RP1: variants seen among roughly 807,000 people sequenced by gnomAD.
RP1 encodes the protein RP1 axonemal microtubule associated.
Under a neutral mutation model 14.8 loss-of-function variants are expected in RP1, and 16 were observed. The observed-to-expected ratio is 1.08, with a 90% confidence interval of 0.73 to 1.65. The LOEUF is 1.65. Among genes scored for constraint, RP1 ranks in the 40% most tolerant of loss-of-function variants. The pLI, the probability that RP1 is intolerant of heterozygous loss-of-function variation, is 0.00. For missense variants in RP1, 2,631 were observed against 2,535.0 expected, an observed-to-expected ratio of 1.04 and a Z score of -0.81; for synonymous variants, 876 against 883.6, an observed-to-expected ratio of 0.99 and a Z score of 0.15.
intron 24 of RP1, among the ~76,000 whole-genome samples, chr8:54,801,164 C>G (rs1161728556): frequency 1.3e-5 from 2 of 152,164 alleles, no homozygotes; most frequent in Non-Finnish European, 2.9e-5. Flanking sequence ...GAGAGTGTTT[C>G]TCAATATTTG....
At chr8:54,684,836 G>A (rs1235480689) in intron 12 of RP1, among the ~76,000 whole-genome samples, 9 of 152,136 alleles carry the variant, frequency 5.9e-5, no homozygotes. Context: ...CATGCCCTTT[G>A]CAGGGACATG....
intron 4 of RP1, among the ~76,000 whole-genome samples, chr8:54,651,990 GA>G (rs1190534413): frequency 1.4e-5 from 2 of 147,132 alleles, no homozygotes; most frequent in Admixed American, 1.4e-4. Context: ...TGTTGCTTAC[GA>G]GTATGTTCTT....
chr8:54,753,888 G>A (rs778764298), intron 19 of RP1, among the ~76,000 whole-genome samples: 2 of 152,098 alleles, frequency 1.3e-5, no homozygotes, highest in Non-Finnish European at 2.9e-5. Flanking sequence ...TCTGAGAAAT[G>A]GTGGCACCTG....
exon 20 of RP1, chr8:54,754,860 C>G (rs1270552734): frequency 6.5e-7 from 1 of 1,528,476 alleles, no homozygotes; most frequent in Non-Finnish European, 8.7e-7. Flanking sequence ...AAACGTATGG[C>G]TGTCTCGGAT....
rs1382400040 is a variant in RP1, at chr8:54,670,517, G to GTATGTA, written c.1324-3328_1324-3327insATATGT. ...TATGTATATATATACACATATATAT[G>GTATGTA]TATGTGTATATATATACATATATAT... On this transcript the variant is annotated intron_variant, in intron 7 of 22. Coordinates refer to the RP1 transcript ENST00000636932. 4.4e-3 allele frequency among the ~76,000 whole-genome samples: 110 copies of GTATGTA among 24,886 alleles called. 12 individuals are homozygous for GTATGTA. The highest frequency in any genetic ancestry group is 9.4e-3 in the African/African-American group (106 of 11,222). 16.3% of individuals were successfully genotyped at this position (24,886 alleles called of 152,430 possible).
chr8:54,797,531 A>ACACACG (rs779725744), intron 24 of RP1, among the ~76,000 whole-genome samples: 85 of 8,852 alleles, frequency 9.6e-3, no homozygotes, highest in Non-Finnish European at 0.013. Context: ...ATAGGACTAA[A>ACACACG]CACACACACA....
chr8:54,738,254 T>C (rs776678729), intron 18 of RP1, among the ~76,000 whole-genome samples: 1 of 152,186 alleles, frequency 6.6e-6, no homozygotes, highest in Non-Finnish European at 1.5e-5. Context: ...AAAAAAAACA[T>C]ACTTTACTCA....
At chr8:54,658,488 T>C (rs1030852798) in intron 6 of RP1, among the ~76,000 whole-genome samples, 1 of 144,644 alleles carries the variant, frequency 6.9e-6, no homozygotes, top group African/African-American at 2.7e-5. Flanking sequence ...GAGGCGGAGC[T>C]TGCAGTGAGC....
intron 19 of RP1, among the ~76,000 whole-genome samples, chr8:54,754,399 A>G (rs1000918033): frequency 6.6e-6 from 1 of 151,886 alleles, no homozygotes; most frequent in Non-Finnish European, 1.5e-5. Context: ...GCTAGAGTCC[A>G]TTTCAAATCT....
At chr8:54,592,768 A>C (rs1805068143) in intron 1 of RP1, among the ~76,000 whole-genome samples, 1 of 152,054 alleles carries the variant, frequency 6.6e-6, no homozygotes, top group African/African-American at 2.4e-5. Context: ...TTAGTGTATT[A>C]ACTTGTAATT....
intron 24 of RP1, among the ~76,000 whole-genome samples, chr8:54,821,578 CTT>C (rs1419480316): frequency 6.6e-6 from 1 of 152,140 alleles, no homozygotes; most frequent in East Asian, 1.9e-4. Flanking sequence ...ACATTTACCT[CTT>C]ATGTTGGTTG....
At chr8:54,759,007 A>G (rs1383080556) in exon 22 of RP1, 9 of 1,535,770 alleles carry the variant, frequency 5.9e-6, no homozygotes, top group Non-Finnish European at 6.1e-6. Flanking sequence ...AAATCACAGT[A>G]CTGGTACTGT....
At chr8:54,718,077 A>T (rs1409307383) in intron 15 of RP1, among the ~76,000 whole-genome samples, 1 of 152,150 alleles carries the variant, frequency 6.6e-6, no homozygotes, top group African/African-American at 2.4e-5. Flanking sequence ...AATCAAAGAA[A>T]ATTTAAATAA....
At chr8:54,849,254 G>T (rs773255091) in intron 25 of RP1, among the ~76,000 whole-genome samples, 1 of 151,894 alleles carries the variant, frequency 6.6e-6, no homozygotes, top group Non-Finnish European at 1.5e-5. Context: ...GAAGTACATT[G>T]TATTTTCTGT....
At chr8:54,749,122 G>T (rs114982481) in intron 19 of RP1, among the ~76,000 whole-genome samples, 127 of 151,902 alleles carry the variant, frequency 8.4e-4, no homozygotes, top group African/African-American at 2.8e-3. Flanking sequence ...TTATAAAAAA[G>T]GATCGAGACC....
downstream of RP1, among the ~76,000 whole-genome samples, chr8:54,772,407 T>A (rs1294016975): frequency 1.3e-5 from 2 of 152,172 alleles, no homozygotes; most frequent in African/African-American, 4.8e-5. Context: ...TCTTTCAAGA[T>A]ACAATTTGAA....
intron 24 of RP1, among the ~76,000 whole-genome samples, chr8:54,786,105 G>C (rs1287367775): frequency 2.0e-5 from 3 of 151,964 alleles, no homozygotes; most frequent in Non-Finnish European, 2.9e-5. Context: ...TTCCTTGCTG[G>C]TATGGATTTA....
intron 12 of RP1, among the ~76,000 whole-genome samples, chr8:54,692,314 T>C (rs1807734636): frequency 6.9e-6 from 1 of 145,716 alleles, no homozygotes; most frequent in Non-Finnish European, 1.5e-5. Flanking sequence ...TGATTTATAG[T>C]CCTTTGGGTA....
chr8:54,616,584 T>C (rs949723623), intron 1 of RP1, among the ~76,000 whole-genome samples: 3 of 152,250 alleles, frequency 2.0e-5, no homozygotes, highest in African/African-American at 7.2e-5. Context: ...GTGATTTTCC[T>C]TTTTGAATCT....
Sources: allele counts gnomAD v4.1 joint callset (sites outside exome capture counted in the v4.1 genomes callset), GRCh38; gene constraint gnomAD v4.1.1; transcripts MANE v1.5; gene names NCBI Gene and HGNC (gene_info 2026-07-23, HGNC 2026-07-21).